The following FAM98A variants were observed in gnomAD, a reference collection of about 807,000 sequenced individuals.
FAM98A encodes the protein protein FAM98A.
Under a neutral mutation model 62.9 loss-of-function variants are expected in FAM98A, and 25 were observed. The ratio of observed to expected loss-of-function variants is 0.40; its 90% CI spans 0.29 to 0.56. The LOEUF (loss-of-function observed/expected upper bound fraction) is 0.56, where lower values mean the gene tolerates loss of function less well. FAM98A is among the 20% of genes least tolerant of loss of function. FAM98A has a pLI of 0.51. For missense variants in FAM98A, 653 were observed against 640.7 expected (o/e 1.02, Z -0.21); for synonymous variants, 252 against 228.6 (o/e 1.10, Z -0.92).
chr2:33,595,746 A>T (rs1677797843), intron 1 of FAM98A, 109 bp from the exon 2 acceptor site: 1 of 720,592 alleles, frequency 1.4e-6, no homozygotes, highest in Non-Finnish European at 2.1e-6. Context: ...AATAAAGATA[A>T]GTTAGTACTT....
Position 33,585,083 on chromosome 2 carries a change from C to T in FAM98A, c.1250G>A (p.Gly417Asp). 1.2e-6 allele frequency: 2 copies of T among 1,614,182 alleles called. No homozygotes were observed. Among genetic ancestry groups the T allele is most frequent in the Non-Finnish European group, 1.7e-6 (2 of 1,180,020 alleles). The change falls in exon 8 of 8, where the codon GGC becomes GAC. Residue 417 changes from glycine to aspartate, a missense_variant. By Grantham distance (94) the Gly-to-Asp change is moderately conservative. Coordinates refer to ENST00000238823, the MANE Select transcript of FAM98A (RefSeq NM_015475.5). The stretch of plus-strand genomic sequence containing the variant: ...GCCACCATAACCTCCGCCTTGATAG[C>T]CACCACTGCTGTGGCCACCATGATA... ...GGYHGGHSSG[G>D]YQGGGYGGFQ...
At chr2:33,591,225 C>A (rs1478372301) in intron 3 of FAM98A, among the ~76,000 whole-genome samples, 3 of 149,682 alleles carry the variant, frequency 2.0e-5, no homozygotes, top group African/African-American at 7.4e-5. Flanking sequence ...ACCTTAAAAA[C>A]TGAAGTTGTA....
At chr2:33,589,460 A>AT (rs773402343) in intron 3 of FAM98A, 2 of 152,174 alleles carry the variant, frequency 1.3e-5, no homozygotes, top group African/African-American at 2.4e-5. Flanking sequence ...GGGAAAAGAT[A>AT]TTTTCAAGGC....
intron 6 of FAM98A, 97 bp from the exon 7 acceptor site, chr2:33,585,794 A>G: frequency 9.3e-7 from 1 of 1,078,014 alleles, no homozygotes; most frequent in East Asian, 2.4e-5. Flanking sequence ...ATATCTGATA[A>G]TGATATTTAC....
Position 33,584,915 on chromosome 2 carries a change from C to A in FAM98A, c.1418G>T (p.Arg473Leu), listed in dbSNP as rs776960946. 3.1e-6 allele frequency: 5 copies of A among 1,613,844 alleles called. No homozygotes were observed. Among genetic ancestry groups the A allele is most frequent in the Non-Finnish European group, 4.2e-6 (5 of 1,179,912 alleles). ...GRGGRGGRGG[R>L]AGQGGGWGGR... ...TCCCCAGCCTCCTCCCTGGCCTGCA[C>A]GACCACCTCGGCCTCCACGACCACC... Residue 473 changes from arginine (R) to leucine (L), a missense_variant, in exon 8 of 8, where the codon CGT becomes CTT. By Grantham distance (102) the Arg-to-Leu change is moderately radical. Coordinates refer to ENST00000238823, the MANE Select transcript of FAM98A (RefSeq NM_015475.5).
rs555492141 is a variant in FAM98A, at chr2:33,596,718, C to T, written c.54-1081G>A. On this transcript the variant is annotated intron_variant, in intron 1 of 7. Transcript: ENST00000238823. ...GATCCTGGCTAACACGATGAAACCCCATCTCTAATAAAAATACAAAAAAAT... is the reference window on the plus strand; with the variant it reads ...GATCCTGGCTAACACGATGAAACCCTATCTCTAATAAAAATACAAAAAAAT... Among the ~76,000 whole-genome samples, 107 of 151,854 alleles carry T rather than the reference C, an allele frequency of 7.0e-4. 1 individual carries two copies. The highest frequency in any genetic ancestry group is 2.5e-3 in the African/African-American group (102 of 41,448).
In FAM98A at chr2:33,585,728, G is replaced by C. The variant is rs746700874; in HGVS notation, c.721-31C>G. The C allele has an allele frequency of 5.7e-6, 9 of 1,582,476 alleles. No homozygotes were observed. In the East Asian group the frequency reaches 2.0e-4, roughly 35 times the overall value. ...GAAAGAAAAGTGTTCAAAGAGAAAT[G>C]TCAATTTTCAAAATGACATAAGAAA... On this transcript the variant is annotated intron_variant, in intron 6 of 7. Transcript: ENST00000238823.
intron 3 of FAM98A, among the ~76,000 whole-genome samples, chr2:33,591,197 T>A (rs1201489249): frequency 6.8e-6 from 1 of 148,116 alleles, no homozygotes; most frequent in Non-Finnish European, 1.5e-5. Flanking sequence ...TATGAACACT[T>A]TTTTTTTTTT....
intron 1 of FAM98A, among the ~76,000 whole-genome samples, chr2:33,596,357 C>T (rs902243568): frequency 6.6e-6 from 1 of 152,152 alleles, no homozygotes; most frequent in African/African-American, 2.4e-5. Flanking sequence ...AGTTAATGAA[C>T]TGGCGCATCT....
Position 33,594,704 on chromosome 2 carries a change from T to C in FAM98A, c.202+785A>G, listed in dbSNP as rs574703163. On this transcript the variant is annotated intron_variant, in intron 2 of 7. Transcript: ENST00000238823. ...ACACACATATATATACACATATATA[T>C]ATACACACACACACACACACACTAG... is the stretch of plus-strand genomic sequence containing the variant. Among the ~76,000 whole-genome samples the C allele has an allele frequency of 1.5e-4, 2 of 13,550 alleles. 1 individual carries two copies. The highest frequency in any genetic ancestry group is 5.7e-4 in the African/African-American group (2 of 3,486). The allele number at this position is 13,550 out of a possible 152,430, so 8.9% of individuals were successfully genotyped here.
intron 6 of FAM98A, 147 bp from the exon 7 acceptor site, chr2:33,585,844 G>T (rs1677535857): frequency 4.3e-6 from 3 of 689,764 alleles, no homozygotes; most frequent in Non-Finnish European, 7.2e-6. Flanking sequence ...ACTCACTACT[G>T]CTCCTACATA....
At position 33,585,275 on chromosome 2, in the gene FAM98A, C is replaced by T. The variant is rs779087807; in HGVS notation, c.1058G>A (p.Gly353Asp). The change falls in exon 8 of 8, where the codon GGT (glycine) becomes GAT (aspartate). Residue 353 changes from glycine to aspartate, a missense_variant. Coordinates refer to ENST00000238823, the MANE Select transcript of FAM98A (RefSeq NM_015475.5). ...ACCTCTCCCGCCTCCTTGTTCATGA[C>T]CTCCTCGTCCTCCGTATGAGGAATG... is the stretch of plus-strand genomic sequence containing the variant. ...YEHSSYGGRG[G>D]HEQGGGRGGR... 1.2e-6 allele frequency: 2 copies of T among 1,614,042 alleles called. No homozygotes were observed. The highest frequency in any genetic ancestry group is 3.3e-5 in the Admixed American group (2 of 60,018).
rs1164394042 is a variant in FAM98A at position 33,592,135 on chromosome 2, T to C, written c.282A>G (p.Thr94=). 2 of 1,613,622 alleles carry C rather than the reference T, an allele frequency of 1.2e-6. No homozygotes were observed. The highest frequency in any genetic ancestry group is 1.7e-5 in the Admixed American group (1 of 60,002). The change falls in exon 3 of 8, where the codon ACA becomes ACG. Residue 94 remains threonine, a synonymous_variant. Coordinates refer to ENST00000238823, the MANE Select transcript of FAM98A (RefSeq NM_015475.5). The stretch of plus-strand genomic sequence containing the variant: ...GAAGGCGCTTGGTCACATCCCCAGA[T>C]GTCAGTGAAAGATACGGGCAGTTCA... The part of the protein sequence containing the change: ...GEMNCPYLSL[T]SGDVTKRLLI...
At chr2:33,592,515 G>A (rs1232788704) in intron 2 of FAM98A, among the ~76,000 whole-genome samples, 1 of 152,112 alleles carries the variant, frequency 6.6e-6, no homozygotes, top group Admixed American at 6.5e-5. Context: ...ACAGGTGTAT[G>A]CTACCATGCC....
Position 33,585,746 on chromosome 2 carries a change from A to AT in FAM98A, c.721-50dup, listed in dbSNP as rs764446379. ...GAGAAATGTCAATTTTCAAAATGAC[A>AT]TAAGAAACACATATTAAATAAGTTA... On this transcript the variant is annotated intron_variant, in intron 6 of 7. Coordinates refer to ENST00000238823, the MANE Select transcript of FAM98A (RefSeq NM_015475.5). The AT allele has an allele frequency of 2.0e-6, 3 of 1,524,668 alleles. No individual in the cohort carries two copies. The Admixed American group carries it at 5.5e-5, about 28-fold the overall frequency. 94.4% of individuals were successfully genotyped at this position (1,524,668 alleles called of 1,614,324 possible).
chr2:33,595,539 G>T lies in FAM98A; in HGVS notation c.152C>A (p.Ser51Tyr). The T allele has an allele frequency of 6.2e-7, 1 of 1,610,360 alleles. No homozygotes were observed. Among genetic ancestry groups the T allele is most frequent in the Non-Finnish European group, 8.5e-7 (1 of 1,178,610 alleles). ...TAGTTTACAGAGCACTCTTAATTCA[G>T]ACACCAGCCAAGCACAGAGTTTGGT... ...EFTKLCAWLV[S>Y]ELRVLCKLEE... The change falls in exon 2 of 8, where the codon TCT becomes TAT. Residue 51 changes from serine (S) to tyrosine (Y), a missense_variant. Transcript: ENST00000238823.
chr2:33,598,267 A>G (rs898586930), intron 1 of FAM98A, among the ~76,000 whole-genome samples: 1 of 152,264 alleles, frequency 6.6e-6, no homozygotes, highest in African/African-American at 2.4e-5. Context: ...CTTGTTACTT[A>G]GAAATACAGC....
intron 6 of FAM98A, 122 bp downstream of exon 6, chr2:33,586,439 AG>A: frequency 1.7e-6 from 1 of 602,486 alleles, no homozygotes; most frequent in Non-Finnish European, 3.0e-6. Context: ...TAACTCACTA[AG>A]GAAAAATCCC....
At chr2:33,598,786 T>C (rs189221573) in intron 1 of FAM98A, among the ~76,000 whole-genome samples, 4 of 151,686 alleles carry the variant, frequency 2.6e-5, no homozygotes, top group African/African-American at 9.7e-5. Context: ...GGAGAACAAG[T>C]AGGAAAGCAG....
Sources: gnomAD v4.1 joint callset for allele counts (sites outside exome capture counted in the v4.1 genomes callset) on GRCh38, gnomAD v4.1.1 for gene constraint, MANE v1.5 for transcripts, NCBI Gene and HGNC (gene_info 2026-07-23, HGNC 2026-07-21) for gene names.